Variants in SDK1 observed in about 807,000 individuals in gnomAD.
The protein encoded by SDK1 is sidekick cell adhesion molecule 1, also known as protein sidekick-1.
SDK1 carries 157 observed loss-of-function variants against 245.5 expected under a neutral mutation model. That is an observed-to-expected ratio of 0.64 (90% CI 0.56 to 0.73). The LOEUF (loss-of-function observed/expected upper bound fraction) is 0.73, where lower values mean the gene tolerates loss of function less well. Among genes scored for constraint, SDK1 ranks in the 30% least tolerant of loss-of-function variants. The pLI is 0.00. For missense variants in SDK1, 3,583 were observed against 3,002.3 expected (o/e 1.19, Z -4.52); for synonymous variants, 1,647 against 1,278.5 (o/e 1.29, Z -6.15).
chr7:3,553,120 T>C (rs922971378), intron 1 of SDK1, among the ~76,000 whole-genome samples: 4 of 152,182 alleles, frequency 2.6e-5, no homozygotes, highest in African/African-American at 7.2e-5. Context: ...CCTATTCATA[T>C]ATTTTTCATA....
intron 2 of SDK1, among the ~76,000 whole-genome samples, chr7:3,622,424 T>A (rs939583051): frequency 6.6e-6 from 1 of 152,182 alleles, no homozygotes; most frequent in African/African-American, 2.4e-5. Context: ...GAGGTTGCAG[T>A]GAGCCAGGAT....
intron 5 of SDK1, among the ~76,000 whole-genome samples, chr7:3,827,915 TATG>T (rs1779816631): frequency 6.6e-6 from 1 of 152,154 alleles, no homozygotes; most frequent in Non-Finnish European, 1.5e-5. Context: ...CAAACCTTGG[TATG>T]ATAAGCAGTG....
intron 1 of SDK1, among the ~76,000 whole-genome samples, chr7:3,397,368 A>T (rs560837943): frequency 2.6e-5 from 4 of 151,922 alleles, no homozygotes; most frequent in Non-Finnish European, 4.4e-5. Context: ...TTGTAGAGCA[A>T]TTCTGCTGGT....
At position 4,007,597 on chromosome 7, in the gene SDK1, T is replaced by C. The variant is rs114241381; in HGVS notation, c.2132-3369T>C. Among the ~76,000 whole-genome samples the C allele has an allele frequency of 5.7e-3, 872 of 152,164 alleles. 8 individuals carry two copies. Among genetic ancestry groups the C allele is most frequent in the African/African-American group, 0.02 (820 of 41,496 alleles). ...GGTTATATATTATCACCCCATCTTT[T>C]CATTATTTCCTTTAATTTGTTTTTT... On this transcript the variant is annotated intron_variant, in intron 14 of 44. Transcript: ENST00000404826.
At chr7:3,399,338 T>G (rs112232760) in intron 1 of SDK1, among the ~76,000 whole-genome samples, 4 of 152,092 alleles carry the variant, frequency 2.6e-5, no homozygotes, top group Non-Finnish European at 4.4e-5. Context: ...TTGACATTTT[T>G]TATTTTGTGA....
At chr7:3,794,358 A>G (rs894912873) in intron 4 of SDK1, among the ~76,000 whole-genome samples, 3 of 152,188 alleles carry the variant, frequency 2.0e-5, no homozygotes, top group Admixed American at 1.3e-4. Context: ...ATAGGAAGAA[A>G]AAAAAGGCAT....
chr7:3,337,370 G>GA (rs767898346), intron 1 of SDK1, among the ~76,000 whole-genome samples: 6 of 148,886 alleles, frequency 4.0e-5, no homozygotes, highest in South Asian at 2.1e-4. Flanking sequence ...AAATAGACTG[G>GA]AAAAAAAAAG....
At chr7:4,036,566 T>C (rs537037451) in intron 17 of SDK1, among the ~76,000 whole-genome samples, 1 of 152,326 alleles carries the variant, frequency 6.6e-6, no homozygotes, top group Non-Finnish European at 1.5e-5. Context: ...ATTTTACACG[T>C]ACACGTTAGT....
intron 4 of SDK1, among the ~76,000 whole-genome samples, chr7:3,728,590 G>A (rs1305962074): frequency 6.6e-6 from 1 of 152,188 alleles, no homozygotes; most frequent in Non-Finnish European, 1.5e-5. Context: ...ATGTAGTCAT[G>A]AGTTAGCAAA....
At chr7:4,217,617 C>A (rs1784911094) in intron 38 of SDK1, among the ~76,000 whole-genome samples, 1 of 151,852 alleles carries the variant, frequency 6.6e-6, no homozygotes, top group African/African-American at 2.4e-5. Flanking sequence ...GAGAACCACA[C>A]CACCCGGAGC....
chr7:3,431,271 C>T (rs1470630718), intron 1 of SDK1, among the ~76,000 whole-genome samples: 1 of 151,794 alleles, frequency 6.6e-6, no homozygotes, highest in Non-Finnish European at 1.5e-5. Context: ...ACTTTCACAT[C>T]CAAAGTACCC....
chr7:3,357,558 G>A (rs1290026266), intron 1 of SDK1, among the ~76,000 whole-genome samples: 2 of 150,970 alleles, frequency 1.3e-5, no homozygotes, highest in Non-Finnish European at 3.0e-5. Flanking sequence ...GTGTTGCCCA[G>A]GCTAGCCTTG....
rs189010762 is a variant in SDK1, at chr7:3,869,644, A to C, written c.847+48061A>C. ...CACTCGGCTTCCACAGGCCACATCTATTTTTCTTGCAAATCAGAAAATGTG... is the reference window on the plus strand; with the variant it reads ...CACTCGGCTTCCACAGGCCACATCTCTTTTTCTTGCAAATCAGAAAATGTG... On this transcript the variant is annotated intron_variant, in intron 5 of 44. Coordinates refer to ENST00000404826, the MANE Select transcript of SDK1 (RefSeq NM_152744.4). 1.5e-3 allele frequency among the ~76,000 whole-genome samples: 229 copies of C among 152,050 alleles called. 4 individuals carry two copies. The South Asian group carries it at 0.024, about 16-fold the overall frequency.
intron 4 of SDK1, among the ~76,000 whole-genome samples, chr7:3,651,018 A>G (rs1178049289): frequency 1.3e-5 from 2 of 151,628 alleles, no homozygotes; most frequent in Non-Finnish European, 2.9e-5. Flanking sequence ...GTTGCTATAA[A>G]CATTCTTGTT....
chr7:4,147,173 C>T (rs545078000), intron 29 of SDK1, among the ~76,000 whole-genome samples: 22 of 152,132 alleles, frequency 1.4e-4, no homozygotes, highest in East Asian at 3.9e-4. Context: ...GTTCTGGCCA[C>T]GCTCCTATTT....
intron 1 of SDK1, among the ~76,000 whole-genome samples, chr7:3,508,278 A>T (rs1782458906): frequency 6.6e-6 from 1 of 150,660 alleles, no homozygotes; most frequent in African/African-American, 2.4e-5. Context: ...AAATTAAGCT[A>T]ATCATTACTC....
intron 22 of SDK1, among the ~76,000 whole-genome samples, chr7:4,095,727 C>G (rs1161450374): frequency 1.3e-5 from 2 of 152,176 alleles, no homozygotes; most frequent in African/African-American, 4.8e-5. Flanking sequence ...CACTCGCCAC[C>G]ACACCTGGCT....
chr7:4,091,418 C>G (rs1232643823), intron 22 of SDK1, among the ~76,000 whole-genome samples: 2 of 146,518 alleles, frequency 1.4e-5, no homozygotes, highest in African/African-American at 5.1e-5. Context: ...TCTGGGCTCA[C>G]TGCAACCTCC....
At chr7:4,172,002 C>T (rs1250418363) in intron 32 of SDK1, among the ~76,000 whole-genome samples, 1 of 152,204 alleles carries the variant, frequency 6.6e-6, no homozygotes, top group Non-Finnish European at 1.5e-5. Context: ...CACCCCTGGG[C>T]CAGGAGCGGA....
Sources: gnomAD v4.1 joint callset for allele counts (sites outside exome capture counted in the v4.1 genomes callset) on GRCh38, gnomAD v4.1.1 for gene constraint, MANE v1.5 for transcripts, NCBI Gene and HGNC (gene_info 2026-07-23, HGNC 2026-07-21) for gene names.